The following FAS variants were observed in gnomAD, a reference collection of about 807,000 sequenced individuals.
FAS encodes the protein tumor necrosis factor receptor superfamily member 6.
A neutral mutation model predicts 33.2 loss-of-function variants in FAS; 5 were observed. The ratio of observed to expected loss-of-function variants is 0.15; its 90% confidence interval spans 0.08 to 0.32. FAS has a LOEUF of 0.32. Among genes scored for constraint, FAS ranks in the 10% least tolerant of loss-of-function variants. FAS has a pLI of 1.00. For synonymous variants in FAS, 131 were observed against 130.7 expected, an observed-to-expected ratio of 1.00 and a Z score of -0.01; for missense variants, 339 against 386.0, an observed-to-expected ratio of 0.88 and a Z score of 1.02.
At chr10:88,973,575 C>T (rs914671173) in intron 2 of FAS, 5 of 305,708 alleles carry the variant, frequency 1.6e-5, no homozygotes, top group African/African-American at 2.1e-5. Context: ...CTTCCCATTC[C>T]CCAAAAGCAT....
intron 2 of FAS, among the ~76,000 whole-genome samples, chr10:88,981,427 C>T (rs192509435): frequency 5.9e-4 from 90 of 151,352 alleles, no homozygotes; most frequent in Non-Finnish European, 9.4e-4. Flanking sequence ...CTTCCATCGT[C>T]GTGATTTATA....
rs138646497 is a variant in FAS, at chr10:88,968,722, C to T, written n.95-4460C>T. Among the ~76,000 whole-genome samples the T allele has an allele frequency of 3.3e-3, 506 of 152,224 alleles. 4 individuals carry two copies. Among genetic ancestry groups the T allele is most frequent in the African/African-American group, 0.012 (482 of 41,528 alleles). ...TTCCTCCTTAATTCTCACTGGCTGGCCTGGAATGAGGCTCTGCTAAAAATG... is the reference window on the plus strand; with the variant it reads ...TTCCTCCTTAATTCTCACTGGCTGGTCTGGAATGAGGCTCTGCTAAAAATG... On this transcript the variant is annotated intron_variant and non_coding_transcript_variant, in intron 1 of 3. Transcript: ENST00000688239.
chr10:88,993,712 G>C (rs2133410694), intron 1 of FAS, among the ~76,000 whole-genome samples: 1 of 152,284 alleles, frequency 6.6e-6, no homozygotes, highest in South Asian at 2.1e-4. Context: ...CCAACCCAAA[G>C]AGCATAAAAT....
At chr10:89,008,310 G>A (rs1848349200) in intron 3 of FAS, among the ~76,000 whole-genome samples, 2 of 152,132 alleles carry the variant, frequency 1.3e-5, no homozygotes, top group Admixed American at 1.3e-4. Context: ...TGTATTCTAA[G>A]GACCCAGATT....
intron 1 of FAS, among the ~76,000 whole-genome samples, chr10:88,997,468 T>G (rs1013335907): frequency 2.6e-5 from 4 of 152,230 alleles, no homozygotes; most frequent in Non-Finnish European, 4.4e-5. Context: ...TTCCAGAGAT[T>G]GGCTTTAAGA....
intron 1 of FAS, among the ~76,000 whole-genome samples, chr10:88,993,896 A>C (rs1847422146): frequency 1.3e-5 from 2 of 152,254 alleles, no homozygotes; most frequent in Admixed American, 1.3e-4. Context: ...TTAAGACATT[A>C]GCAACCAGGA....
Position 89,015,630 on chromosome 10 carries a change from A to G in FAS, c.*1180A>G, listed in dbSNP as rs1382118352. 1.2e-5 allele frequency: 6 copies of G among 500,050 alleles called. No homozygotes were observed. Among genetic ancestry groups the G allele is most frequent in the Admixed American group, 5.0e-5 (2 of 40,148 alleles). 31.0% of individuals were successfully genotyped at this position (500,050 alleles called of 1,614,324 possible). ...ATGTGAATTTTAAGAAATAATATTT[A>G]TATTTCTGTAAATGTAAACTGTGAA... On this transcript the variant is annotated 3_prime_UTR_variant, in exon 9 of 9. Transcript: ENST00000652046.
At chr10:88,990,210 G>A (rs923192362), upstream of FAS, among the ~76,000 whole-genome samples, 1 of 152,196 alleles carries the variant, frequency 6.6e-6, no homozygotes, top group Non-Finnish European at 1.5e-5. The surrounding 1 kb of genome is among the most constrained non-coding windows in gnomAD (Gnocchi z 4.9). Context: ...TTCCAGAAAC[G>A]TCTGTGAGCC....
intron 4 of FAS, 85 bp from the exon 5 acceptor site, chr10:89,010,454 G>A: frequency 6.8e-6 from 7 of 1,036,244 alleles, no homozygotes; most frequent in Non-Finnish European, 9.0e-6. Flanking sequence ...GAATAAAATG[G>A]CCCCTAATTT....
chr10:89,006,807 A>G (rs1264821937), intron 2 of FAS, among the ~76,000 whole-genome samples: 2 of 152,234 alleles, frequency 1.3e-5, no homozygotes, highest in Admixed American at 6.5e-5. Context: ...CATTTAATAA[A>G]CACCTATCAG....
intron 1 of FAS, 109 bp from the exon 2 acceptor site, chr10:89,002,920 T>C (rs1452934226): frequency 8.8e-7 from 1 of 1,137,432 alleles, no homozygotes; most frequent in Non-Finnish European, 1.3e-6. Context: ...CCTCACATTG[T>C]CTTTGCCTGT....
chr10:89,003,527 TAAC>T (rs775594446), intron 2 of FAS, among the ~76,000 whole-genome samples: 68 of 152,294 alleles, frequency 4.5e-4, no homozygotes, highest in Non-Finnish European at 8.8e-4. Context: ...GGATCTACCA[TAAC>T]AATAGTGGAA....
At chr10:88,977,149 C>T (rs985046945) in intron 2 of FAS, among the ~76,000 whole-genome samples, 8 of 151,972 alleles carry the variant, frequency 5.3e-5, no homozygotes, top group Non-Finnish European at 8.8e-5. Context: ...TTTTGCTGTG[C>T]AGAAGCTCTG....
chr10:88,990,576 C>T, upstream of FAS: 2 of 659,702 alleles, frequency 3.0e-6, no homozygotes, highest in Non-Finnish European at 5.6e-6. This position sits in a 1 kb window ranked among gnomAD's most constrained non-coding sequence, Gnocchi z 4.9. Flanking sequence ...GAGCCCTCCC[C>T]AACCCGGGCG....
chr10:88,965,748 G>A (rs1846307953), intron 1 of FAS, among the ~76,000 whole-genome samples: 1 of 152,142 alleles, frequency 6.6e-6, no homozygotes, highest in Non-Finnish European at 1.5e-5. Flanking sequence ...TGAGCAAAGA[G>A]CCCCTTACTA....
chr10:88,997,009 T>C (rs1270995125), intron 1 of FAS, among the ~76,000 whole-genome samples: 1 of 152,230 alleles, frequency 6.6e-6, no homozygotes, highest in East Asian at 1.9e-4. Context: ...TCTTCAAGCT[T>C]ATTTTTGGAA....
In FAS at chr10:89,014,672, G is replaced by A; in HGVS notation, c.*222G>A. ...ACAAACTTCATCAAGAGTAAATGCA[G>A]TGGCATGCTAAGTACCCAAATAGGA... On this transcript the variant is annotated 3_prime_UTR_variant, in exon 9 of 9. Transcript: ENST00000652046. The A allele has an allele frequency of 1.5e-6, 1 of 679,412 alleles. No individual in the cohort carries two copies. The highest frequency in any genetic ancestry group is 2.7e-6 in the Non-Finnish European group (1 of 373,116). 42.1% of individuals were successfully genotyped at this position (679,412 alleles called of 1,614,324 possible).
At chr10:89,002,802 A>G (rs148224665) in intron 1 of FAS, 67 of 525,890 alleles carry the variant, frequency 1.3e-4, no homozygotes, top group East Asian at 1.0e-3. Flanking sequence ...CCTGGCTTCT[A>G]TCATTCATGG....
At chr10:88,996,059 A>AT (rs1415722042) in intron 1 of FAS, among the ~76,000 whole-genome samples, 1 of 152,222 alleles carries the variant, frequency 6.6e-6, no homozygotes, top group Admixed American at 6.5e-5. Context: ...GTCAGGCAGC[A>AT]TTGTGTTTCT....
Sources: allele counts gnomAD v4.1 joint callset (sites outside exome capture counted in the v4.1 genomes callset), GRCh38; gene constraint gnomAD v4.1.1; non-coding constraint Gnocchi (gnomAD v3.1); transcripts MANE v1.5; gene names NCBI Gene and HGNC (gene_info 2026-07-23, HGNC 2026-07-21).